The following INTS9 variants were observed in gnomAD, a reference collection of about 807,000 sequenced individuals.
INTS9 encodes the protein integrator complex subunit 9.
A neutral mutation model predicts 79.7 loss-of-function variants in INTS9; 55 were observed. The observed-to-expected ratio is 0.69, with a 90% CI of 0.56 to 0.86. The LOEUF is 0.86. Ranked by LOEUF, INTS9 falls within the 40% of genes least tolerant of loss-of-function variation. The pLI is 0.00. For missense variants in INTS9, 721 were observed against 831.5 expected, an observed-to-expected ratio of 0.87 and a Z score of 1.64; for synonymous variants, 319 against 325.2, an observed-to-expected ratio of 0.98 and a Z score of 0.20.
chr8:28,775,215 A>G (rs546776989), intron 14 of INTS9, among the ~76,000 whole-genome samples: 12 of 152,316 alleles, frequency 7.9e-5, no homozygotes, highest in African/African-American at 2.9e-4. Flanking sequence ...GATGTGGCCC[A>G]GGGCTCACGC....
chr8:28,871,476 C>T lies in INTS9; in HGVS notation c.10-11913G>A, dbSNP rs559058894. On this transcript the variant is annotated intron_variant, in intron 1 of 16. Coordinates refer to ENST00000521022, the MANE Select transcript of INTS9 (RefSeq NM_018250.4). ...CTGCAGTGCAGTGATATGATTACGGCTCACCGCAGCCTCAACCTTCTGGGC... is the reference window on the plus strand; with the variant it reads ...CTGCAGTGCAGTGATATGATTACGGTTCACCGCAGCCTCAACCTTCTGGGC... Among the ~76,000 whole-genome samples the T allele has an allele frequency of 1.2e-3, 183 of 152,232 alleles. 2 individuals are homozygous for T. Among genetic ancestry groups the T allele is most frequent in the African/African-American group, 4.0e-3 (167 of 41,526 alleles).
chr8:28,881,248 A>G (rs1242902004), intron 1 of INTS9, among the ~76,000 whole-genome samples: 2 of 147,622 alleles, frequency 1.4e-5, no homozygotes, highest in Non-Finnish European at 3.0e-5. Context: ...TCCAGGAGGG[A>G]GGTGGGGGGG....
rs747055117 is a variant in INTS9, at chr8:28,787,903, A to G, written c.1038-14T>C. ...TTGTGACAAAGCCTATTAAAGAGGA[A>G]AAACACATCAGCATGTGAGGAAGAG... On this transcript the variant is annotated splice_polypyrimidine_tract_variant and intron_variant, in intron 10 of 16. Coordinates refer to ENST00000521022, the MANE Select transcript of INTS9 (RefSeq NM_018250.4). 11 of 1,582,896 alleles carry G rather than the reference A, an allele frequency of 6.9e-6. No homozygotes were observed. The Admixed American group carries it at 1.8e-4, about 27-fold the overall frequency.
chr8:28,778,798 G>A (rs754701588), intron 12 of INTS9, among the ~76,000 whole-genome samples: 17 of 152,322 alleles, frequency 1.1e-4, no homozygotes, highest in Non-Finnish European at 2.2e-4. Context: ...ACACAGAGAC[G>A]TCTCCACTGT....
chr8:28,785,282 G>T (rs1803521985), intron 11 of INTS9, among the ~76,000 whole-genome samples: 1 of 152,184 alleles, frequency 6.6e-6, no homozygotes, highest in African/African-American at 2.4e-5. Context: ...GACTATAAAT[G>T]ATCTAGTTCT....
At chr8:28,771,878 T>G (rs1802561492) in intron 14 of INTS9, among the ~76,000 whole-genome samples, 2 of 152,128 alleles carry the variant, frequency 1.3e-5, no homozygotes, top group Non-Finnish European at 2.9e-5. Context: ...TTTTTTTTTT[T>G]GAGATGGGGC....
Position 28,881,416 on chromosome 8 carries a change from C to T in INTS9, c.9+8458G>A, listed in dbSNP as rs1423014060. ...CCTCTGCCCGGCCAGCCGCCCCGCCCGGGAGGGAGGTGGGGGGGTCAGCCC... is the reference window on the plus strand; with the variant it reads ...CCTCTGCCCGGCCAGCCGCCCCGCCTGGGAGGGAGGTGGGGGGGTCAGCCC... On this transcript the variant is annotated intron_variant, in intron 1 of 16. Transcript: ENST00000521022. 7.7e-4 allele frequency among the ~76,000 whole-genome samples: 109 copies of T among 141,804 alleles called. 1 individual carries two copies. Among genetic ancestry groups the T allele is most frequent in the African/African-American group, 2.6e-3 (101 of 38,626 alleles). The allele number at this position is 141,804 out of a possible 152,430, so 93.0% of individuals were successfully genotyped here. A position where few individuals can be genotyped will look rare whatever the true frequency, so the allele number is the denominator to read the frequency against.
intron 2 of INTS9, among the ~76,000 whole-genome samples, chr8:28,852,233 A>T (rs1807882682): frequency 6.6e-6 from 1 of 152,156 alleles, no homozygotes; most frequent in African/African-American, 2.4e-5. Context: ...AAAAAAATAA[A>T]AAAAGAAAAT....
intron 11 of INTS9, among the ~76,000 whole-genome samples, chr8:28,785,147 G>A (rs763442120): frequency 2.0e-5 from 3 of 152,314 alleles, no homozygotes; most frequent in East Asian, 1.9e-4. Flanking sequence ...TAAGAGCCAC[G>A]CAATGTCAGT....
At chr8:28,796,900 G>T in intron 8 of INTS9, 1 of 395,730 alleles carries the variant, frequency 2.5e-6, no homozygotes, top group Non-Finnish European at 4.6e-6. Context: ...CTGGGGCACT[G>T]ATTATATCAA....
At chr8:28,821,969 G>A (rs753230853) in intron 6 of INTS9, among the ~76,000 whole-genome samples, 9 of 152,028 alleles carry the variant, frequency 5.9e-5, no homozygotes, top group Non-Finnish European at 8.8e-5. Flanking sequence ...ATTTTGCCAC[G>A]TTGCCCATGC....
At chr8:28,773,756 A>C (rs1802709855) in intron 14 of INTS9, among the ~76,000 whole-genome samples, 1 of 151,878 alleles carries the variant, frequency 6.6e-6, no homozygotes, top group Non-Finnish European at 1.5e-5. Context: ...TCGTGACCTT[A>C]AGTGATTCAC....
At chr8:28,779,829 C>T (rs987905521) in intron 12 of INTS9, among the ~76,000 whole-genome samples, 2 of 152,138 alleles carry the variant, frequency 1.3e-5, no homozygotes, top group African/African-American at 4.8e-5. Context: ...AGGGCTGAAG[C>T]GTCACCCCAG....
At chr8:28,826,016 T>A (rs750720701) in intron 6 of INTS9, among the ~76,000 whole-genome samples, 16 of 152,332 alleles carry the variant, frequency 1.1e-4, no homozygotes, top group South Asian at 2.1e-4. Context: ...GTAGTGAGCA[T>A]TAAACATACA....
chr8:28,867,283 G>A (rs780627968), intron 1 of INTS9, among the ~76,000 whole-genome samples: 9 of 152,196 alleles, frequency 5.9e-5, no homozygotes, highest in Non-Finnish European at 1.2e-4. Flanking sequence ...GCTGGGCGTC[G>A]TGGCATGTGC....
At chr8:28,870,940 A>G (rs1477074921) in intron 1 of INTS9, among the ~76,000 whole-genome samples, 1 of 152,210 alleles carries the variant, frequency 6.6e-6, no homozygotes, top group African/African-American at 2.4e-5. Context: ...CAGATTTTCA[A>G]AGAAACGGAT....
chr8:28,771,845 T>C (rs1433487526), intron 14 of INTS9, among the ~76,000 whole-genome samples: 1 of 151,470 alleles, frequency 6.6e-6, no homozygotes, highest in Non-Finnish European at 1.5e-5. Context: ...ATGCACTATT[T>C]CCAAGACGAC....
chr8:28,814,237 C>T (rs1008341262), intron 6 of INTS9, among the ~76,000 whole-genome samples: 1 of 149,454 alleles, frequency 6.7e-6, no homozygotes, highest in Non-Finnish European at 1.5e-5. Flanking sequence ...TGAATGCATG[C>T]CATTAGCCTC....
intron 8 of INTS9, chr8:28,798,358 G>C (rs1420585096): frequency 6.6e-6 from 1 of 152,168 alleles, no homozygotes; most frequent in Non-Finnish European, 1.5e-5. Flanking sequence ...AGCACAGTTA[G>C]CTTAAAATGG....
Sources: gnomAD v4.1 joint callset for allele counts (sites outside exome capture counted in the v4.1 genomes callset) on GRCh38, gnomAD v4.1.1 for gene constraint, MANE v1.5 for transcripts, NCBI Gene and HGNC (gene_info 2026-07-23, HGNC 2026-07-21) for gene names.